DPP6: variants seen among roughly 807,000 people sequenced by gnomAD.
The protein encoded by DPP6 is dipeptidyl peptidase like 6.
A neutral mutation model predicts 122.6 loss-of-function variants in DPP6; 69 were observed. The observed-to-expected ratio is 0.56, with a 90% CI of 0.46 to 0.69. The LOEUF (loss-of-function observed/expected upper bound fraction) is 0.69, where lower values mean the gene tolerates loss of function less well. Among genes scored for constraint, DPP6 ranks in the 30% least tolerant of loss-of-function variants. The probability of loss-of-function intolerance (pLI) is 0.00; values close to 1 mark genes in which losing one functional copy is unlikely to be tolerated. For synonymous variants in DPP6, 418 were observed against 433.1 expected, an observed-to-expected ratio of 0.97 and a Z score of 0.43; for missense variants, 928 against 1,116.9, an observed-to-expected ratio of 0.83 and a Z score of 2.41.
At chr7:154,258,151 G>A (rs1256148298) in intron 1 of DPP6, among the ~76,000 whole-genome samples, 5 of 149,626 alleles carry the variant, frequency 3.3e-5, no homozygotes, top group South Asian at 2.1e-4. Flanking sequence ...GAGGGGAGGC[G>A]AGGGGAGGGG....
intron 3 of DPP6, among the ~76,000 whole-genome samples, chr7:154,487,943 A>C (rs1386180744): frequency 6.6e-6 from 1 of 152,148 alleles, no homozygotes; most frequent in East Asian, 1.9e-4. Context: ...GTCTGTCTGC[A>C]TCTCTGTCTG....
intron 7 of DPP6, among the ~76,000 whole-genome samples, chr7:154,679,734 GTTAAT>G (rs1222222239): frequency 6.6e-6 from 1 of 152,220 alleles, no homozygotes; most frequent in Admixed American, 6.5e-5. Flanking sequence ...ATCAGCTTGG[GTTAAT>G]TTGGTATTCA....
chr7:154,170,487 C>T (rs1000675001), intron 1 of DPP6, among the ~76,000 whole-genome samples: 1 of 152,194 alleles, frequency 6.6e-6, no homozygotes, highest in Non-Finnish European at 1.5e-5. Context: ...CACGACCTCG[C>T]CCAACCCTGG....
rs1032956984 is a variant in DPP6 at position 154,833,088 on chromosome 7, G to T, written c.1667-20692G>T. 6.6e-6 allele frequency among the ~76,000 whole-genome samples: 1 copy of T among 152,212 alleles called. No individual in the cohort carries two copies. The highest frequency in any genetic ancestry group is 1.5e-5 in the Non-Finnish European group (1 of 68,040). On this transcript the variant is annotated intron_variant, in intron 16 of 25. Transcript: ENST00000377770. The surrounding 1 kb of genome is among the most constrained non-coding windows in gnomAD (Gnocchi z 4.3). ...AATCCCATTGGGAAACCAGTCAAGG[G>T]ACCCAAGCTTGGGGAAGGGACTAGC...
At chr7:154,353,902 C>T (rs1370364213) in intron 1 of DPP6, among the ~76,000 whole-genome samples, 1 of 152,140 alleles carries the variant, frequency 6.6e-6, no homozygotes, top group Non-Finnish European at 1.5e-5. Flanking sequence ...AATTCCGTTG[C>T]CAAGTTTTGT....
intron 4 of DPP6, among the ~76,000 whole-genome samples, chr7:154,562,184 A>G (rs543442811): frequency 1.3e-5 from 2 of 152,316 alleles, no homozygotes; most frequent in South Asian, 4.1e-4. Flanking sequence ...ACACAGATGC[A>G]AAAATCCTCA....
At chr7:154,620,344 G>A (rs1563020431) in intron 5 of DPP6, among the ~76,000 whole-genome samples, 1 of 152,158 alleles carries the variant, frequency 6.6e-6, no homozygotes, top group South Asian at 2.1e-4. Context: ...GTAATCATAC[G>A]GCTTCCGAAT....
intron 1 of DPP6, among the ~76,000 whole-genome samples, chr7:153,951,436 C>T (rs545827692): frequency 2.0e-5 from 3 of 152,244 alleles, no homozygotes; most frequent in East Asian, 1.9e-4. Flanking sequence ...GGCAAGGAAA[C>T]GCTACGAGAC....
chr7:154,574,185 C>CGTGT (rs1369342446), intron 5 of DPP6, among the ~76,000 whole-genome samples: 2 of 149,640 alleles, frequency 1.3e-5, no homozygotes, highest in Non-Finnish European at 3.0e-5. Context: ...TAATGCTGTG[C>CGTGT]GTGTGTGTGT....
At chr7:153,939,301 G>C (rs1801594689) in intron 1 of DPP6, among the ~76,000 whole-genome samples, 1 of 152,174 alleles carries the variant, frequency 6.6e-6, no homozygotes, top group Non-Finnish European at 1.5e-5. Context: ...TTAAGTCACA[G>C]CCATTTGCAA....
intron 1 of DPP6, among the ~76,000 whole-genome samples, chr7:154,163,557 G>A (rs1318352234): frequency 1.3e-5 from 2 of 152,122 alleles, no homozygotes; most frequent in African/African-American, 2.4e-5. Context: ...TTTGCAAGAT[G>A]TATACGCACT....
Position 154,801,441 on chromosome 7 carries a change from C to T in DPP6, c.1386C>T (p.His462=), listed in dbSNP as rs1181549970. ...IPQGGRGKFY[H]ITVSSSQPNS... The stretch of plus-strand genomic sequence containing the variant: ...AGGGAGGACGAGGGAAATTCTATCA[C>T]ATCACGGTGTCCTCGTCCCAGGTAA... The change falls in exon 13 of 26, where the codon CAC becomes CAT. Residue 462 remains histidine (H), a synonymous_variant. Transcript: ENST00000377770. 5 of 1,589,024 alleles carry T rather than the reference C, an allele frequency of 3.1e-6. No homozygotes were observed. Among genetic ancestry groups the T allele is most frequent in the Non-Finnish European group, 1.7e-6 (2 of 1,166,604 alleles).
At chr7:154,174,663 CTT>C (rs1160285319) in intron 1 of DPP6, among the ~76,000 whole-genome samples, 2 of 152,170 alleles carry the variant, frequency 1.3e-5, no homozygotes, top group Non-Finnish European at 2.9e-5. Context: ...AAGCCTGGCT[CTT>C]TGCAGACAAA....
At chr7:154,122,913 C>T (rs1807597234) in intron 1 of DPP6, among the ~76,000 whole-genome samples, 1 of 152,266 alleles carries the variant, frequency 6.6e-6, no homozygotes, top group African/African-American at 2.4e-5. Flanking sequence ...CCATCCTCCT[C>T]CTCCCTCTGA....
At chr7:154,446,373 A>G (rs539502561) in intron 2 of DPP6, 45 bp downstream of exon 2, 422 of 1,498,646 alleles carry the variant, frequency 2.8e-4, no homozygotes, top group Non-Finnish European at 3.6e-4. Context: ...TCAGAGAGAA[A>G]GAGCATAATT....
At chr7:154,279,627 C>G (rs778507822) in intron 1 of DPP6, among the ~76,000 whole-genome samples, 4 of 152,192 alleles carry the variant, frequency 2.6e-5, no homozygotes, top group Non-Finnish European at 5.9e-5. Flanking sequence ...GTTGCAAAGT[C>G]TCATTAGTTT....
chr7:154,636,030 C>G (rs557022325), intron 5 of DPP6, among the ~76,000 whole-genome samples: 1 of 152,278 alleles, frequency 6.6e-6, no homozygotes, highest in South Asian at 2.1e-4. Flanking sequence ...CTTCTCTCTC[C>G]TCCTCTCCTC....
chr7:153,936,394 C>G (rs1801441815), intron 1 of DPP6, among the ~76,000 whole-genome samples: 1 of 152,156 alleles, frequency 6.6e-6, no homozygotes, highest in Non-Finnish European at 1.5e-5. Context: ...TGCAGCTGTT[C>G]TGGGGAGACC....
At chr7:153,921,329 C>G (rs956532060) in intron 1 of DPP6, among the ~76,000 whole-genome samples, 2 of 152,374 alleles carry the variant, frequency 1.3e-5, no homozygotes, top group Admixed American at 1.3e-4. Flanking sequence ...CCCAGCCTGA[C>G]TGATAACAGA....
Sources: allele counts gnomAD v4.1 joint callset (sites outside exome capture counted in the v4.1 genomes callset), GRCh38; gene constraint gnomAD v4.1.1; non-coding constraint Gnocchi (gnomAD v3.1); transcripts MANE v1.5; gene names NCBI Gene and HGNC (gene_info 2026-07-23, HGNC 2026-07-21).